SLC10A7: variants seen among roughly 807,000 people sequenced by gnomAD.
The protein encoded by SLC10A7 is solute carrier family 10 member 7, also known as sodium/bile acid cotransporter 7.
A neutral mutation model predicts 43.2 loss-of-function variants in SLC10A7; 29 were observed. The observed-to-expected ratio is 0.67, with a 90% CI of 0.50 to 0.92. The LOEUF is 0.92. Ranked by LOEUF, SLC10A7 falls within the 40% of genes least tolerant of loss-of-function variation. The probability of loss-of-function intolerance (pLI) is 0.00; values close to 1 mark genes in which losing one functional copy is unlikely to be tolerated. For missense variants in SLC10A7, 295 were observed against 403.2 expected (o/e 0.73, Z 2.30); for synonymous variants, 152 against 144.8 (o/e 1.05, Z -0.35).
intron 5 of SLC10A7, among the ~76,000 whole-genome samples, chr4:146,347,867 G>A (rs926538847): frequency 6.6e-6 from 1 of 152,140 alleles, no homozygotes; most frequent in South Asian, 2.1e-4. Flanking sequence ...CACAGGATAG[G>A]TGAAAAGAGG....
rs531373737 is a variant in SLC10A7 at position 146,297,912 on chromosome 4, G to A, written c.556-3817C>T. 9.2e-5 allele frequency among the ~76,000 whole-genome samples: 14 copies of A among 152,268 alleles called. No homozygotes were observed. In the South Asian group the frequency reaches 2.9e-3, roughly 32 times the overall value. On this transcript the variant is annotated intron_variant, in intron 7 of 11. Coordinates refer to ENST00000335472, the MANE Select transcript of SLC10A7 (RefSeq NM_001029998.6). Reference sequence around the variant, plus strand: ...TAATTCATTCCATTCTCATGAGAAAGGTCACACATTATTATTCTGCTGAGT... The same window carrying A: ...TAATTCATTCCATTCTCATGAGAAAAGTCACACATTATTATTCTGCTGAGT...
intron 5 of SLC10A7, among the ~76,000 whole-genome samples, chr4:146,410,796 T>C (rs1208246913): frequency 6.6e-6 from 1 of 152,126 alleles, no homozygotes; most frequent in Non-Finnish European, 1.5e-5. Context: ...TTTTAAAAGA[T>C]CTTTTAAGGC....
chr4:146,332,099 T>A lies in SLC10A7; in HGVS notation c.436-6103A>T, dbSNP rs190568452. ...GTGGATTGGTGAGCAAGGGCCTCTT[T>A]CCTCTCCTCTGACTATACTTTCCCC... On this transcript the variant is annotated intron_variant, in intron 5 of 11. Coordinates refer to ENST00000335472, the MANE Select transcript of SLC10A7 (RefSeq NM_001029998.6). Among the ~76,000 whole-genome samples, 595 of 152,272 alleles carry A rather than the reference T, an allele frequency of 3.9e-3. 2 individuals carry two copies. The highest frequency in any genetic ancestry group is 0.013 in the African/African-American group (545 of 41,560).
At chr4:146,257,590 G>C (rs867125801) in intron 11 of SLC10A7, among the ~76,000 whole-genome samples, 3 of 152,196 alleles carry the variant, frequency 2.0e-5, no homozygotes, top group Admixed American at 2.0e-4. Context: ...AATGGAGAGA[G>C]CAAAGCCTGC....
chr4:146,449,347 G>T (rs1280150846), intron 4 of SLC10A7, among the ~76,000 whole-genome samples: 3 of 152,128 alleles, frequency 2.0e-5, no homozygotes, highest in African/African-American at 7.2e-5. Context: ...GCATGGGTCT[G>T]CCAATTCCAA....
chr4:146,435,284 T>C (rs1730124261), intron 5 of SLC10A7, among the ~76,000 whole-genome samples: 1 of 152,192 alleles, frequency 6.6e-6, no homozygotes, highest in Non-Finnish European at 1.5e-5. Flanking sequence ...GACCAACAAT[T>C]AAAGGGAAGA....
intron 5 of SLC10A7, among the ~76,000 whole-genome samples, chr4:146,378,066 T>G (rs1237847011): frequency 6.6e-6 from 1 of 152,194 alleles, no homozygotes; most frequent in Non-Finnish European, 1.5e-5. Context: ...CCAGGGCTAC[T>G]GGAACAAAGG....
At chr4:146,283,104 T>C (rs920164811) in intron 10 of SLC10A7, 88 bp downstream of exon 10, 1 of 1,058,678 alleles carries the variant, frequency 9.4e-7, no homozygotes, top group Non-Finnish European at 1.4e-6. Context: ...CCCATTCCAT[T>C]TAATTTGAAG....
At chr4:146,444,327 G>A (rs1730852202) in intron 4 of SLC10A7, among the ~76,000 whole-genome samples, 1 of 152,100 alleles carries the variant, frequency 6.6e-6, no homozygotes, top group Non-Finnish European at 1.5e-5. Flanking sequence ...CTTCCCCTTT[G>A]AGCCTGTCTC....
chr4:146,516,379 T>TA (rs1179009993), intron 2 of SLC10A7, among the ~76,000 whole-genome samples: 2 of 151,028 alleles, frequency 1.3e-5, no homozygotes, highest in Non-Finnish European at 3.0e-5. Flanking sequence ...AATCAGTAAA[T>TA]AACATTACAT....
At chr4:146,392,232 A>G (rs891030354) in intron 5 of SLC10A7, among the ~76,000 whole-genome samples, 1 of 152,188 alleles carries the variant, frequency 6.6e-6, no homozygotes, top group Non-Finnish European at 1.5e-5. Flanking sequence ...TGCATAACAT[A>G]ATATGTTCCC....
chr4:146,362,602 A>G (rs1736123656), intron 5 of SLC10A7, among the ~76,000 whole-genome samples: 1 of 152,146 alleles, frequency 6.6e-6, no homozygotes, highest in Admixed American at 6.5e-5. Context: ...CAGTAGAATG[A>G]ATATACAAAT....
At chr4:146,298,443 A>C (rs1730930081) in intron 7 of SLC10A7, among the ~76,000 whole-genome samples, 1 of 152,224 alleles carries the variant, frequency 6.6e-6, no homozygotes, top group African/African-American at 2.4e-5. Flanking sequence ...GACTAATATG[A>C]AAGGCCCATC....
intron 7 of SLC10A7, among the ~76,000 whole-genome samples, chr4:146,303,503 G>A (rs894137216): frequency 2.0e-5 from 3 of 150,648 alleles, no homozygotes; most frequent in African/African-American, 7.3e-5. Flanking sequence ...CCAACCTCCT[G>A]AGTAACTGGG....
intron 5 of SLC10A7, among the ~76,000 whole-genome samples, chr4:146,391,418 A>G (rs1181528667): frequency 6.6e-6 from 1 of 152,224 alleles, no homozygotes; most frequent in East Asian, 1.9e-4. Context: ...TGTGACCATC[A>G]CCAAGGAAGA....
chr4:146,320,249 A>G (rs1732610416), intron 6 of SLC10A7, among the ~76,000 whole-genome samples: 1 of 152,092 alleles, frequency 6.6e-6, no homozygotes, highest in Non-Finnish European at 1.5e-5. Flanking sequence ...GAAGGTGAAG[A>G]GTTAAGAGTT....
intron 4 of SLC10A7, among the ~76,000 whole-genome samples, chr4:146,470,050 T>C (rs1733419138): frequency 6.6e-6 from 1 of 152,190 alleles, no homozygotes; most frequent in Non-Finnish European, 1.5e-5. Context: ...AACTATGCAA[T>C]GTGGAATGGC....
intron 5 of SLC10A7, among the ~76,000 whole-genome samples, chr4:146,336,764 T>C (rs1158635278): frequency 6.6e-6 from 1 of 152,066 alleles, no homozygotes; most frequent in Non-Finnish European, 1.5e-5. Flanking sequence ...AAATTAAAGA[T>C]GCTGAATAGC....
intron 4 of SLC10A7, among the ~76,000 whole-genome samples, chr4:146,489,607 C>T (rs1396958492): frequency 2.0e-5 from 3 of 152,144 alleles, no homozygotes; most frequent in Admixed American, 6.5e-5. Flanking sequence ...ACTAAATCCA[C>T]GTAGGGCAAA....
Sources: gnomAD v4.1 joint callset for allele counts (sites outside exome capture counted in the v4.1 genomes callset) on GRCh38, gnomAD v4.1.1 for gene constraint, MANE v1.5 for transcripts, NCBI Gene and HGNC (gene_info 2026-07-23, HGNC 2026-07-21) for gene names.